The following HERC2 variants were observed in gnomAD, a reference collection of about 807,000 sequenced individuals.
HERC2 encodes the protein E3 ubiquitin-protein ligase HERC2.
A neutral mutation model predicts 537.7 loss-of-function variants in HERC2; 102 were observed. That is an observed-to-expected ratio of 0.19 (90% CI 0.16 to 0.22). HERC2 has a LOEUF of 0.22. Ranked by LOEUF, HERC2 falls within the 10% of genes least tolerant of loss-of-function variation. HERC2 has a pLI of 1.00. For missense variants in HERC2, 4,236 were observed against 6,198.2 expected, an observed-to-expected ratio of 0.68 and a Z score of 10.63; for synonymous variants, 2,224 against 2,466.2, an observed-to-expected ratio of 0.90 and a Z score of 2.91.
chr15:28,301,348 A>G (rs1318808691), intron 2 of HERC2, among the ~76,000 whole-genome samples: 5 of 151,854 alleles, frequency 3.3e-5, no homozygotes, highest in South Asian at 4.1e-4. Flanking sequence ...CCAGGAGGCC[A>G]AGGTTGCAGT....
At chr15:28,219,091 C>T (rs1234586820) in intron 37 of HERC2, among the ~76,000 whole-genome samples, 1 of 152,194 alleles carries the variant, frequency 6.6e-6, no homozygotes, top group East Asian at 1.9e-4. Context: ...TAATAATTCT[C>T]GAAACAACAT....
At chr15:28,319,292 G>T (rs1185521376) in intron 2 of HERC2, among the ~76,000 whole-genome samples, 1 of 152,256 alleles carries the variant, frequency 6.6e-6, no homozygotes, top group Non-Finnish European at 1.5e-5. Flanking sequence ...GAATTTAGAT[G>T]ACTTTTTTTT....
intron 4 of HERC2, among the ~76,000 whole-genome samples, chr15:28,283,935 T>C (rs1290749612): frequency 6.6e-6 from 1 of 152,162 alleles, no homozygotes; most frequent in East Asian, 1.9e-4. Context: ...GTATCAGATT[T>C]AGGAATATCT....
rs183546134 is a variant in HERC2, at chr15:28,314,478, C to T, written c.72+6884G>A. On this transcript the variant is annotated intron_variant, in intron 2 of 92. Coordinates refer to ENST00000261609, the MANE Select transcript of HERC2 (RefSeq NM_004667.6). Reference sequence around the variant, plus strand: ...CTACTCTGCCTATGTAGGAGCCATTCTTATTTCCTTTAATTTCCTAAAAAA... The same window carrying T: ...CTACTCTGCCTATGTAGGAGCCATTTTTATTTCCTTTAATTTCCTAAAAAA... 2.9e-3 allele frequency among the ~76,000 whole-genome samples: 445 copies of T among 152,046 alleles called. 1 individual carries two copies. Among genetic ancestry groups the T allele is most frequent in the African/African-American group, 0.01 (420 of 41,330 alleles).
At chr15:28,155,130 G>A (rs1892862699) in intron 69 of HERC2, among the ~76,000 whole-genome samples, 1 of 152,034 alleles carries the variant, frequency 6.6e-6, no homozygotes, top group African/African-American at 2.4e-5. Context: ...ATTCCATGGT[G>A]TATATATGCC....
intron 83 of HERC2, among the ~76,000 whole-genome samples, chr15:28,129,107 G>C (rs1343854891): frequency 6.6e-6 from 1 of 152,168 alleles, no homozygotes; most frequent in Non-Finnish European, 1.5e-5. Flanking sequence ...CATTTGACCT[G>C]AAAAGTCCCT....
intron 79 of HERC2, among the ~76,000 whole-genome samples, chr15:28,134,029 T>C (rs560040754): frequency 6.6e-6 from 1 of 152,358 alleles, no homozygotes; most frequent in Non-Finnish European, 1.5e-5. Context: ...AAATCTTGAT[T>C]GGGAAGGTGT....
At chr15:28,154,840 T>C (rs1362389243) in intron 69 of HERC2, among the ~76,000 whole-genome samples, 2 of 152,118 alleles carry the variant, frequency 1.3e-5, no homozygotes. Flanking sequence ...TATGTACACA[T>C]GTGCCATGTT....
rs1310289642 is a variant in HERC2 at position 28,230,264 on chromosome 15, C to T, written c.4809+103G>A. The T allele has an allele frequency of 6.8e-6, 8 of 1,169,082 alleles. No individual in the cohort carries two copies. The Admixed American group carries it at 1.4e-4, about 20-fold the overall frequency. The allele number at this position is 1,169,082 out of a possible 1,614,324, so 72.4% of individuals were successfully genotyped here. A position where few individuals can be genotyped will look rare whatever the true frequency, so the allele number is the denominator to read the frequency against. ...ATCACTGGGGCCATGTTTCTAACAA[C>T]CGCCCGTCCCTCCCTCCAGATGCTC... On this transcript the variant is annotated intron_variant, in intron 31 of 92. Coordinates refer to ENST00000261609, the MANE Select transcript of HERC2 (RefSeq NM_004667.6).
chr15:28,256,191 C>A lies in HERC2; in HGVS notation c.2644G>T (p.Val882Leu). The A allele has an allele frequency of 6.2e-7, 1 of 1,601,190 alleles. No individual in the cohort carries two copies. The highest frequency in any genetic ancestry group is 8.5e-7 in the Non-Finnish European group (1 of 1,179,810). Reference sequence around the variant, plus strand: ...AGCACGGCCTGGGCGGCCGACTGCACGGTGCTCAGCACGCCCGCACTGCTG... The same window carrying A: ...AGCACGGCCTGGGCGGCCGACTGCAAGGTGCTCAGCACGCCCGCACTGCTG... ...LASSAGVLST[V>L]QSAAQAVLQS... Residue 882 changes from valine to leucine, a missense_variant, in exon 18 of 93, where the codon GTG becomes TTG. Around this residue, in one of 27 missense-constraint regions of HERC2, gnomAD observed 754 missense variants for 1,085.0 expected, o/e 0.69. Transcript: ENST00000261609.
chr15:28,209,965 T>TC (rs1898970429), intron 44 of HERC2, among the ~76,000 whole-genome samples: 1 of 144,330 alleles, frequency 6.9e-6, no homozygotes, highest in South Asian at 2.3e-4. Context: ...TTTTTTTTTT[T>TC]TGAGACAAAG....
chr15:28,301,757 ATATATATATATATATATAT>A (rs1403496884), intron 2 of HERC2, among the ~76,000 whole-genome samples: 1 of 115,992 alleles, frequency 8.6e-6, no homozygotes, highest in Non-Finnish European at 1.8e-5. Flanking sequence ...ATATATATAT[ATATATATATATATATATAT>A]ATATGGGTTA....
rs201423371 is a variant in HERC2, at chr15:28,144,826, C to T, written c.11009-22G>A. ...CGGCCTGCGGGAGGAAAGCGCACCC[C>T]GGGGTTAGCTTCACTCCATCATCCA... On this transcript the variant is annotated intron_variant, in intron 71 of 92. Transcript: ENST00000261609. 73 of 1,613,854 alleles carry T rather than the reference C, an allele frequency of 4.5e-5. No homozygotes were observed. The East Asian group carries it at 1.0e-3, about 23-fold the overall frequency.
At chr15:28,230,169 C>A (rs1901679476) in intron 31 of HERC2, among the ~76,000 whole-genome samples, 198 bp downstream of exon 31, 1 of 151,972 alleles carries the variant, frequency 6.6e-6, no homozygotes, top group South Asian at 2.1e-4. Context: ...CAATCTAATA[C>A]CAAAAATAAA....
intron 19 of HERC2, 65 bp downstream of exon 19, chr15:28,255,807 G>T: frequency 3.3e-6 from 5 of 1,512,912 alleles, no homozygotes; most frequent in Non-Finnish European, 4.5e-6. Context: ...TATTCTTCAC[G>T]TGTGTGAGTG....
chr15:28,295,069 C>A (rs531130837), intron 3 of HERC2, among the ~76,000 whole-genome samples: 1 of 152,086 alleles, frequency 6.6e-6, no homozygotes, highest in South Asian at 2.1e-4. Flanking sequence ...ACAATGAGAT[C>A]CCACTAGACT....
At position 28,280,056 on chromosome 15, in the gene HERC2, C is replaced by T. The variant is rs752996193; in HGVS notation, c.542+12G>A. On this transcript the variant is annotated intron_variant, in intron 5 of 92. Coordinates refer to ENST00000261609, the MANE Select transcript of HERC2 (RefSeq NM_004667.6). Reference sequence around the variant, plus strand: ...AACTGGCATCAGGATTCTTTCTTCGCTTTATTGTTACCTTTTTTTGTCCAC... The same window carrying T: ...AACTGGCATCAGGATTCTTTCTTCGTTTTATTGTTACCTTTTTTTGTCCAC... 8 of 1,601,836 alleles carry T rather than the reference C, an allele frequency of 5.0e-6. No homozygotes were observed. In the Admixed American group the frequency reaches 1.4e-4, roughly 27 times the overall value.
chr15:28,243,177 G>C (rs752086657), intron 23 of HERC2, among the ~76,000 whole-genome samples: 1 of 152,178 alleles, frequency 6.6e-6, no homozygotes, highest in Non-Finnish European at 1.5e-5. Context: ...ACCCAAAGGT[G>C]CTGGCACAAA....
Position 28,269,452 on chromosome 15 carries a change from G to A in HERC2, c.1258-16C>T, listed in dbSNP as rs2140978448. The A allele has an allele frequency of 3.2e-6, 5 of 1,583,812 alleles. No individual in the cohort carries two copies. In the East Asian group the frequency reaches 1.1e-4, roughly 36 times the overall value. ...GCAATGATCCCTGTAAGATAAGAAA[G>A]TAAACATTTCCTTTAACAACAACAA... On this transcript the variant is annotated splice_polypyrimidine_tract_variant and intron_variant, in intron 10 of 92. Transcript: ENST00000261609.
Sources: gnomAD v4.1 joint callset for allele counts (sites outside exome capture counted in the v4.1 genomes callset) on GRCh38, gnomAD v4.1.1 for gene constraint, gnomAD v4.1.1 regional missense constraint, MANE v1.5 for transcripts, NCBI Gene and HGNC (gene_info 2026-07-23, HGNC 2026-07-21) for gene names.